The following SKAP2 variants were observed in gnomAD, a reference collection of about 807,000 sequenced individuals.
The protein encoded by SKAP2 is src kinase-associated phosphoprotein 2.
A neutral mutation model predicts 54.9 loss-of-function variants in SKAP2; 28 were observed. The ratio of observed to expected loss-of-function variants is 0.51; its 90% CI spans 0.38 to 0.70. The LOEUF is 0.70. SKAP2 is among the 30% of genes least tolerant of loss of function. The pLI is 0.00. For synonymous variants in SKAP2, 137 were observed against 134.3 expected (o/e 1.02, Z -0.14); for missense variants, 356 against 424.1 (o/e 0.84, Z 1.41).
intron 4 of SKAP2, among the ~76,000 whole-genome samples, chr7:26,804,110 G>A (rs892384696): frequency 6.6e-6 from 1 of 152,156 alleles, no homozygotes; most frequent in Non-Finnish European, 1.5e-5. Flanking sequence ...ATAACTTAAA[G>A]AATGTAATTG....
chr7:26,663,959 G>A (rs1421537177), downstream of SKAP2, among the ~76,000 whole-genome samples: 3 of 152,136 alleles, frequency 2.0e-5, no homozygotes, highest in Non-Finnish European at 4.4e-5. Context: ...TGACTAGTGA[G>A]CCAAATTCAG....
intron 11 of SKAP2, among the ~76,000 whole-genome samples, chr7:26,679,121 CCT>C (rs1196036373): frequency 2.0e-5 from 3 of 152,184 alleles, no homozygotes; most frequent in Non-Finnish European, 4.4e-5. Context: ...AAAGCAGCCC[CCT>C]CCACTGCCAC....
chr7:26,660,196 A>G, the SKAP2 span, among the ~76,000 whole-genome samples: 64 of 152,220 alleles, frequency 4.2e-4, no homozygotes, highest in Middle Eastern at 6.8e-3. Flanking sequence ...AATCTTTAAT[A>G]TGCTGCTCTG....
At chr7:26,785,043 T>C (rs1783512431) in intron 4 of SKAP2, among the ~76,000 whole-genome samples, 1 of 152,166 alleles carries the variant, frequency 6.6e-6, no homozygotes, top group African/African-American at 2.4e-5. Flanking sequence ...CATAATAAAA[T>C]GTTGGGGCAA....
At chr7:26,811,553 A>T (rs1784145842) in intron 4 of SKAP2, among the ~76,000 whole-genome samples, 1 of 152,180 alleles carries the variant, frequency 6.6e-6, no homozygotes, top group Admixed American at 6.5e-5. Context: ...ACTTAAGTCC[A>T]AAAGAACACC....
chr7:26,763,081 T>C (rs1449489737), intron 4 of SKAP2, among the ~76,000 whole-genome samples: 1 of 152,178 alleles, frequency 6.6e-6, no homozygotes, highest in African/African-American at 2.4e-5. Context: ...GAAGAAAATG[T>C]TGTCTTCAAG....
chr7:26,683,535 TGGAAGGAAGGAA>T (rs145108418), intron 11 of SKAP2, among the ~76,000 whole-genome samples: 2,401 of 147,168 alleles, frequency 0.016, 65 homozygotes, highest in African/African-American at 0.057. Flanking sequence ...GATGGATGGA[TGGAAGGAAGGAA>T]GGAAGGAAGG....
chr7:26,791,231 T>C (rs1021851767), intron 4 of SKAP2, among the ~76,000 whole-genome samples: 2 of 152,202 alleles, frequency 1.3e-5, no homozygotes, highest in African/African-American at 4.8e-5. Flanking sequence ...ATTATTAGCC[T>C]GTACCTAGTT....
chr7:26,765,610 T>C (rs1036406454), intron 4 of SKAP2, among the ~76,000 whole-genome samples: 3 of 152,230 alleles, frequency 2.0e-5, no homozygotes, highest in African/African-American at 7.2e-5. Flanking sequence ...AGGTTTTACA[T>C]TTAAGTCTTT....
At position 26,714,108 on chromosome 7, in the gene SKAP2, G is replaced by C. The variant is rs113835989; in HGVS notation, c.796+11320C>G. 1.9e-3 allele frequency among the ~76,000 whole-genome samples: 283 copies of C among 152,270 alleles called. 2 individuals are homozygous for C. The highest frequency in any genetic ancestry group is 6.4e-3 in the African/African-American group (268 of 41,560). ...ATGAGGATAGAAAACCAAACTGCCT[G>C]AGGATAAAGAGTAAGCAGGTGAAGA... On this transcript the variant is annotated intron_variant, in intron 9 of 12. Transcript: ENST00000345317.
chr7:26,811,235 G>A lies in SKAP2; in HGVS notation c.307+32795C>T, dbSNP rs114120028. ...CAGCTCCACCATTATTTGCTGTGTA[G>A]CTTTGGGCAAATCACCTAATCTCTC... On this transcript the variant is annotated intron_variant, in intron 4 of 12. Coordinates refer to ENST00000345317, the MANE Select transcript of SKAP2 (RefSeq NM_003930.5). Among the ~76,000 whole-genome samples the A allele has an allele frequency of 7.5e-3, 1,143 of 152,226 alleles. 8 individuals carry two copies. The highest frequency in any genetic ancestry group is 0.026 in the African/African-American group (1,072 of 41,524).
intron 4 of SKAP2, among the ~76,000 whole-genome samples, chr7:26,802,432 T>C (rs1250767820): frequency 2.0e-5 from 3 of 152,016 alleles, no homozygotes; most frequent in Non-Finnish European, 4.4e-5. Context: ...CCACCATGCC[T>C]GGCTAATTTT....
intron 4 of SKAP2, chr7:26,746,474 C>A (rs1269958070): frequency 6.6e-6 from 1 of 152,032 alleles, no homozygotes; most frequent in African/African-American, 2.4e-5. Flanking sequence ...GGAGAGAAAC[C>A]TACACTTAAC....
chr7:26,736,344 A>T (rs926034222), intron 6 of SKAP2, among the ~76,000 whole-genome samples: 1 of 152,196 alleles, frequency 6.6e-6, no homozygotes. Context: ...GCTAATTATA[A>T]CGCATTAGCA....
chr7:26,836,031 T>C (rs1313639345), intron 4 of SKAP2, among the ~76,000 whole-genome samples: 1 of 152,060 alleles, frequency 6.6e-6, no homozygotes, highest in Admixed American at 6.6e-5. Flanking sequence ...GCCACAGAAA[T>C]AATGCCACAC....
intron 11 of SKAP2, among the ~76,000 whole-genome samples, chr7:26,672,752 G>T (rs943965573): frequency 6.6e-6 from 1 of 151,910 alleles, no homozygotes; most frequent in African/African-American, 2.4e-5. Flanking sequence ...TGCAAATACA[G>T]GAGCTTTTTA....
At chr7:26,728,397 T>C (rs980162485) in intron 6 of SKAP2, among the ~76,000 whole-genome samples, 2 of 152,104 alleles carry the variant, frequency 1.3e-5, no homozygotes, top group Non-Finnish European at 2.9e-5. Flanking sequence ...TAAGAAAAAT[T>C]TAGTATGCAG....
chr7:26,807,087 A>G (rs1419924128), intron 4 of SKAP2, among the ~76,000 whole-genome samples: 1 of 152,212 alleles, frequency 6.6e-6, no homozygotes, highest in Non-Finnish European at 1.5e-5. Context: ...AAGGGATGCA[A>G]AGTTGCTTCT....
chr7:26,720,978 C>A (rs1199158597), intron 9 of SKAP2, among the ~76,000 whole-genome samples: 1 of 152,136 alleles, frequency 6.6e-6, no homozygotes, highest in Admixed American at 6.5e-5. Flanking sequence ...AAACTATTCC[C>A]ACAATATCAC....
Sources: allele counts gnomAD v4.1 joint callset (sites outside exome capture counted in the v4.1 genomes callset), GRCh38; gene constraint gnomAD v4.1.1; transcripts MANE v1.5; gene names NCBI Gene and HGNC (gene_info 2026-07-23, HGNC 2026-07-21).